Variants in SYT17 observed in about 807,000 individuals in gnomAD.
The protein encoded by SYT17 is synaptotagmin-17.
In SYT17, 22 loss-of-function variants were observed where a neutral mutation model predicts 46.7. The ratio of observed to expected loss-of-function variants is 0.47; its 90% CI spans 0.34 to 0.67. The LOEUF (loss-of-function observed/expected upper bound fraction) is 0.67, where lower values mean the gene tolerates loss of function less well. Among genes scored for constraint, SYT17 ranks in the 30% least tolerant of loss-of-function variants. The probability of loss-of-function intolerance (pLI) is 0.01; values close to 1 mark genes in which losing one functional copy is unlikely to be tolerated. For missense variants in SYT17, 519 were observed against 612.8 expected (o/e 0.85, Z 1.62); for synonymous variants, 251 against 248.4 (o/e 1.01, Z -0.10).
In SYT17 at chr16:19,183,941, C is replaced by T. The variant is rs374172730; in HGVS notation, c.745C>T (p.Arg249Cys). The T allele has an allele frequency of 2.1e-5, 34 of 1,614,224 alleles. No homozygotes were observed. Among genetic ancestry groups the T allele is most frequent in the Admixed American group, 2.0e-4 (12 of 60,034 alleles). Residue 249 changes from arginine to cysteine, a missense_variant, in exon 5 of 8, where the codon CGC (arginine) becomes TGC (cysteine). By Grantham distance (180) the Arg-to-Cys change is radical (BLOSUM62 -3). Coordinates refer to ENST00000355377, the MANE Select transcript of SYT17 (RefSeq NM_016524.4). The surrounding 1 kb of genome is among the most constrained non-coding windows in gnomAD (Gnocchi z 5.6). The stretch of plus-strand genomic sequence containing the variant: ...GAACTCAAAGCAGACCGGGGTCAAA[C>T]GCAAGACCCAGAAGCCCGTGTTTGA... ...QKNSKQTGVK[R>C]KTQKPVFEER...
At chr16:19,249,157 C>G (rs1408007087) in intron 7 of SYT17, among the ~76,000 whole-genome samples, 1 of 151,988 alleles carries the variant, frequency 6.6e-6, no homozygotes, top group Non-Finnish European at 1.5e-5. Context: ...GACTGTAGTC[C>G]CAGCTACTCA....
chr16:19,244,178 T>C (rs1967355496), intron 7 of SYT17, among the ~76,000 whole-genome samples: 2 of 152,172 alleles, frequency 1.3e-5, no homozygotes, highest in Non-Finnish European at 2.9e-5. Flanking sequence ...TCTGATGTTA[T>C]CCCATTTTAC....
intron 5 of SYT17, among the ~76,000 whole-genome samples, chr16:19,188,956 G>A (rs975703806): frequency 7.9e-5 from 12 of 152,002 alleles, no homozygotes; most frequent in Admixed American, 7.9e-4. Context: ...GTGCGATCTC[G>A]GTTCACTGCA....
intron 5 of SYT17, among the ~76,000 whole-genome samples, chr16:19,192,259 T>C (rs1965053184): frequency 6.6e-6 from 1 of 150,386 alleles, no homozygotes; most frequent in Non-Finnish European, 1.5e-5. Flanking sequence ...ATCTCTACTT[T>C]TTAGTACAAA....
intron 7 of SYT17, among the ~76,000 whole-genome samples, chr16:19,226,684 C>T (rs1466879428): frequency 6.6e-6 from 1 of 152,146 alleles, no homozygotes; most frequent in East Asian, 1.9e-4. Context: ...AGACCGTCAC[C>T]CCTGACTCCT....
intron 5 of SYT17, among the ~76,000 whole-genome samples, chr16:19,201,451 A>C (rs1379360662): frequency 6.6e-6 from 1 of 152,126 alleles, no homozygotes; most frequent in Admixed American, 6.6e-5. Flanking sequence ...ACTCCTGTAC[A>C]AATGCCCAGT....
intron 5 of SYT17, among the ~76,000 whole-genome samples, chr16:19,188,296 G>A (rs542889133): frequency 2.1e-4 from 32 of 152,118 alleles, no homozygotes; most frequent in South Asian, 1.2e-3. Flanking sequence ...AGAACACATG[G>A]ACACAGAGAG....
Position 19,266,971 on chromosome 16 carries a change from G to A in SYT17, c.1320G>A (p.Trp440Ter). The change falls in exon 8 of 8, where the codon TGG (tryptophan) becomes TGA (stop). Residue 440 changes from tryptophan (W) to a stop codon, truncating the protein, a stop_gained. Coordinates refer to ENST00000355377, the MANE Select transcript of SYT17 (RefSeq NM_016524.4). LOFTEE classifies it high-confidence loss of function. ...CAGGCCCCTCTGAGACCAACCACTG[G>A]AGGCGCATGCTCAACACGCACCGCA... ...YSSGPSETNH[W>*]RRMLNTHRTA... is the part of the protein sequence containing the mutation. The A allele has an allele frequency of 1.2e-6, 2 of 1,613,816 alleles. No homozygotes were observed. Among genetic ancestry groups the A allele is most frequent in the Non-Finnish European group, 1.7e-6 (2 of 1,179,982 alleles).
At position 19,268,302 on chromosome 16, in the gene SYT17, T is replaced by C. The variant is rs900492057; in HGVS notation, c.*1226T>C. Reference sequence around the variant, plus strand: ...GTCTGGTGTGATGGGGAGCTATTTATTGAAATTAAAGATTATTTATTTGTG... The same window carrying C: ...GTCTGGTGTGATGGGGAGCTATTTACTGAAATTAAAGATTATTTATTTGTG... On this transcript the variant is annotated 3_prime_UTR_variant, in exon 8 of 8. Transcript: ENST00000355377. 6.6e-6 allele frequency: 1 copy of C among 152,210 alleles called. No homozygotes were observed. Among genetic ancestry groups the C allele is most frequent in the South Asian group, 2.1e-4 (1 of 4,830 alleles). The allele number at this position is 152,210 out of a possible 1,614,324, so 9.4% of individuals were successfully genotyped here.
intron 7 of SYT17, among the ~76,000 whole-genome samples, chr16:19,247,368 G>T (rs1967653869): frequency 6.6e-6 from 1 of 152,186 alleles, no homozygotes; most frequent in Admixed American, 6.5e-5. Flanking sequence ...CTAAATCCTA[G>T]CAGTGGGATG....
At chr16:19,260,186 C>A (rs889684880) in intron 7 of SYT17, among the ~76,000 whole-genome samples, 1 of 151,826 alleles carries the variant, frequency 6.6e-6, no homozygotes, top group Admixed American at 6.6e-5. Flanking sequence ...GTGTTTCTTA[C>A]CAGATTTAAA....
At chr16:19,169,576 C>T (rs1964003548) in intron 1 of SYT17, among the ~76,000 whole-genome samples, 1 of 152,250 alleles carries the variant, frequency 6.6e-6, no homozygotes, top group South Asian at 2.1e-4. Context: ...CTCCCATTCC[C>T]CTCTGGGTCA....
chr16:19,263,381 C>A (rs1216162443), intron 7 of SYT17, among the ~76,000 whole-genome samples: 8 of 152,042 alleles, frequency 5.3e-5, no homozygotes, highest in African/African-American at 1.9e-4. Context: ...GTGACTTATG[C>A]CTGTAATCCC....
At chr16:19,239,108 T>C (rs1264573233) in intron 7 of SYT17, among the ~76,000 whole-genome samples, 1 of 151,862 alleles carries the variant, frequency 6.6e-6, no homozygotes, top group African/African-American at 2.4e-5. Context: ...AAAGACACCA[T>C]CTCTACAAAA....
rs531472400 is a variant in SYT17, at chr16:19,193,082, C to T, written c.951+8935C>T. The stretch of plus-strand genomic sequence containing the variant: ...GGTTCAGACATTTGACCTGCCCAGA[C>T]TTGCATCTAAAACTTGGCTCTGCCA... On this transcript the variant is annotated intron_variant, in intron 5 of 7. Transcript: ENST00000355377. 3.9e-5 allele frequency among the ~76,000 whole-genome samples: 6 copies of T among 152,326 alleles called. No homozygotes were observed. The South Asian group carries it at 1.2e-3, about 32-fold the overall frequency.
At chr16:19,235,114 G>A (rs1311969943) in intron 7 of SYT17, among the ~76,000 whole-genome samples, 9 of 152,174 alleles carry the variant, frequency 5.9e-5, no homozygotes, top group African/African-American at 9.7e-5. Flanking sequence ...GCTGCAGAGC[G>A]AAGGGATTAA....
At chr16:19,210,313 C>T (rs527582144) in intron 5 of SYT17, among the ~76,000 whole-genome samples, 58 of 152,130 alleles carry the variant, frequency 3.8e-4, no homozygotes, top group African/African-American at 1.3e-3. Flanking sequence ...GTGATCCTGC[C>T]ACCTTGGCCT....
chr16:19,258,695 T>C (rs1968755629), intron 7 of SYT17, among the ~76,000 whole-genome samples: 2 of 152,102 alleles, frequency 1.3e-5, no homozygotes, highest in South Asian at 2.1e-4. Flanking sequence ...GAATTGCTAC[T>C]GATATTTAGT....
At position 19,210,473 on chromosome 16, in the gene SYT17, T is replaced by C. The variant is rs1430144060; in HGVS notation, c.952-12572T>C. On this transcript the variant is annotated intron_variant, in intron 5 of 7. Coordinates refer to ENST00000355377, the MANE Select transcript of SYT17 (RefSeq NM_016524.4). The stretch of plus-strand genomic sequence containing the variant: ...CTAAGGGTATTTTTTTTTAAAAGGG[T>C]ATTTTTTTTTAAAGGGTATTTTTTT... Among the ~76,000 whole-genome samples, 7 of 142,836 alleles carry C rather than the reference T, an allele frequency of 4.9e-5. No homozygotes were observed. In the East Asian group the frequency reaches 1.4e-3, roughly 28 times the overall value. The allele number at this position is 142,836 out of a possible 152,430, so 93.7% of individuals were successfully genotyped here. A position where few individuals can be genotyped will look rare whatever the true frequency, so the allele number is the denominator to read the frequency against.
Sources: allele counts gnomAD v4.1 joint callset (sites outside exome capture counted in the v4.1 genomes callset), GRCh38; gene constraint gnomAD v4.1.1; non-coding constraint Gnocchi (gnomAD v3.1); transcripts MANE v1.5; gene names NCBI Gene and HGNC (gene_info 2026-07-23, HGNC 2026-07-21).